CHRNA4: variants seen among roughly 807,000 people sequenced by gnomAD.
The protein encoded by CHRNA4 is cholinergic receptor nicotinic alpha 4 subunit, also known as neuronal acetylcholine receptor subunit alpha-4.
CHRNA4 carries 28 observed loss-of-function variants against 48.9 expected under a neutral mutation model. That is an observed-to-expected ratio of 0.57 (90% CI 0.42 to 0.79). The LOEUF is 0.79. Ranked by LOEUF, CHRNA4 falls within the 30% of genes least tolerant of loss-of-function variation. The pLI is 0.00. For missense variants in CHRNA4, 859 were observed against 898.4 expected (o/e 0.96, Z 0.56); for synonymous variants, 425 against 402.3 (o/e 1.06, Z -0.68).
intron 2 of CHRNA4, among the ~76,000 whole-genome samples, chr20:63,358,003 G>C (rs1005089375): frequency 6.6e-6 from 1 of 152,214 alleles, no homozygotes; most frequent in Admixed American, 6.5e-5. Flanking sequence ...GGCAGACCCA[G>C]AGCCTTGGGC....
chr20:63,360,335 A>G (rs1403605417), intron 1 of CHRNA4, among the ~76,000 whole-genome samples: 2 of 152,072 alleles, frequency 1.3e-5, no homozygotes, highest in Non-Finnish European at 2.9e-5. Flanking sequence ...GCAGACCCCA[A>G]CGAGGTGCCA....
intron 1 of CHRNA4, 148 bp downstream of exon 1, chr20:63,360,942 G>C: frequency 1.6e-6 from 1 of 613,728 alleles, no homozygotes; most frequent in Non-Finnish European, 2.5e-6. Flanking sequence ...CAGCCTGTGC[G>C]GCTGGGGATG....
At chr20:63,347,387 C>T (rs371421886) in intron 5 of CHRNA4, among the ~76,000 whole-genome samples, 3 of 152,222 alleles carry the variant, frequency 2.0e-5, no homozygotes, top group African/African-American at 2.4e-5. Flanking sequence ...GTCTCTCACT[C>T]GAGCCTCCCC....
chr20:63,358,270 C>T (rs762172634), intron 2 of CHRNA4, among the ~76,000 whole-genome samples: 1 of 152,178 alleles, frequency 6.6e-6, no homozygotes, highest in Non-Finnish European at 1.5e-5. Context: ...AGCCTGTCCG[C>T]GGGAATGTGG....
Position 63,359,907 on chromosome 20 carries a change from G to GTGTGTGTGTGCCGGGCGTGCGC in CHRNA4, c.77-209_77-208insGCGCACGCCCGGCACACACACA, listed in dbSNP as rs1555840823. 931 of 431,380 alleles carry GTGTGTGTGTGCCGGGCGTGCGC rather than the reference G, an allele frequency of 2.2e-3. 13 individuals carry two copies. The highest frequency in any genetic ancestry group is 0.013 in the African/African-American group (444 of 35,438). The allele number at this position is 431,380 out of a possible 1,614,324, so 26.7% of individuals were successfully genotyped here. On this transcript the variant is annotated intron_variant, in intron 1 of 5. Coordinates refer to ENST00000370263, the MANE Select transcript of CHRNA4 (RefSeq NM_000744.7). ...TGTGCCGGGCGTGTGCTGTGTGTGT[G>GTGTGTGTGTGCCGGGCGTGCGC]TGTGTGTGTGTGTGTGTGTGTGCCG...
At chr20:63,359,903 G>GTGTGTGTGTGTGCGCCGGGCGTGCGC (rs1568820129) in intron 1 of CHRNA4, 10 of 444,366 alleles carry the variant, frequency 2.3e-5, no homozygotes, top group Non-Finnish European at 4.0e-5. Flanking sequence ...TGTGCTGTGT[G>GTGTGTGTGTGTGCGCCGGGCGTGCGC]TGTGTGTGTG....
rs1324352557 is a variant in CHRNA4 at position 63,345,700 on chromosome 20, C to A, written c.*1038G>T. The A allele has an allele frequency of 2.2e-6, 1 of 453,818 alleles. No homozygotes were observed. Among genetic ancestry groups the A allele is most frequent in the Admixed American group, 2.3e-5 (1 of 42,572 alleles). The allele number at this position is 453,818 out of a possible 1,614,324, so 28.1% of individuals were successfully genotyped here. A position where few individuals can be genotyped will look rare whatever the true frequency, so the allele number is the denominator to read the frequency against. ...GTCCCAGCATCTCCCAGGTGGAGGT[C>A]CTCAAGGATGCCCCCACCAGCTCCC... On this transcript the variant is annotated 3_prime_UTR_variant, in exon 6 of 6. Coordinates refer to ENST00000370263, the MANE Select transcript of CHRNA4 (RefSeq NM_000744.7). This position sits in a 1 kb window ranked among gnomAD's most constrained non-coding sequence, Gnocchi z 5.4.
At chr20:63,349,527 C>A in intron 5 of CHRNA4, 126 bp downstream of exon 5, 1 of 1,244,310 alleles carries the variant, frequency 8.0e-7, no homozygotes, top group Non-Finnish European at 1.2e-6. Flanking sequence ...GGGGCCACGC[C>A]CTGCACCCCA....
chr20:63,360,666 A>T (rs2068803964), intron 1 of CHRNA4, among the ~76,000 whole-genome samples: 1 of 152,186 alleles, frequency 6.6e-6, no homozygotes, highest in African/African-American at 2.4e-5. Flanking sequence ...TCCTGCAGAA[A>T]AGGTGGGTGG....
intron 4 of CHRNA4, chr20:63,354,650 G>A: frequency 2.0e-6 from 2 of 979,454 alleles, no homozygotes; most frequent in Non-Finnish European, 2.4e-6. Context: ...TGGGGGCTGT[G>A]GTCCTCAGAG....
At chr20:63,356,113 C>A in intron 3 of CHRNA4, 29 bp from the exon 4 acceptor site, 1 of 602,652 alleles carries the variant, frequency 1.7e-6, no homozygotes, top group Non-Finnish European at 2.2e-6. Context: ...GGGGAGGCTG[C>A]AGGGTGAGGG....
Position 63,350,193 on chromosome 20 carries a change from CG to C in CHRNA4, c.1217del (p.Pro406ArgfsTer159). On this transcript the variant is annotated frameshift_variant, in exon 5 of 6. Coordinates refer to ENST00000370263, the MANE Select transcript of CHRNA4 (RefSeq NM_000744.7). LOFTEE classifies it high-confidence loss of function. ...GCACATCCAGGGGGACACAGAAGGA[CG>C]GTGAGGGCGGGTGCAGGCTCTGGGT... is the stretch of plus-strand genomic sequence containing the variant. The part of the protein sequence containing the change: ...SGTQSLHPPS[P>X]SFCVPLDVPA... The C allele has an allele frequency of 6.3e-7, 1 of 1,597,788 alleles. No homozygotes were observed. Among genetic ancestry groups the C allele is most frequent in the Non-Finnish European group, 8.5e-7 (1 of 1,171,288 alleles).
intron 2 of CHRNA4, among the ~76,000 whole-genome samples, chr20:63,357,162 CAGGACCACA>C (rs1568817781): frequency 7.9e-5 from 1 of 12,648 alleles, no homozygotes; most frequent in East Asian, 0.016. Context: ...CACGTCTCCA[CAGGACCACA>C]TTCCCACAGG....
At chr20:63,355,684 G>T in intron 4 of CHRNA4, 1 of 985,516 alleles carries the variant, frequency 1.0e-6, no homozygotes, top group Non-Finnish European at 1.5e-6. Flanking sequence ...GTGTCCAGGT[G>T]CCATAGCCAC....
chr20:63,353,210 G>A (rs2068642033), intron 4 of CHRNA4, among the ~76,000 whole-genome samples: 1 of 152,220 alleles, frequency 6.6e-6, no homozygotes, highest in Admixed American at 6.5e-5. Context: ...CCTGCAGCCT[G>A]GCCGGCCACC....
chr20:63,360,908 C>T (rs999744343), intron 1 of CHRNA4, 182 bp downstream of exon 1: 1 of 470,626 alleles, frequency 2.1e-6, no homozygotes, highest in Non-Finnish European at 3.6e-6. Context: ...TCCCTCCTCG[C>T]CTGGCTCAGC....
Position 63,361,295 on chromosome 20 carries a change from TCTC to T in CHRNA4, c.-133_-131del, listed in dbSNP as rs1240465701. ...TTCGGCCGCCGGGCCCGGTTCGTCT[TCTC>T]CTGTGGGGCGCGGTGCGGCGGCGGC... is the stretch of plus-strand genomic sequence containing the variant. On this transcript the variant is annotated 5_prime_UTR_variant, in exon 1 of 6. Transcript: ENST00000370263. 3.1e-6 allele frequency: 4 copies of T among 1,305,436 alleles called. No homozygotes were observed. In the East Asian group the frequency reaches 1.1e-4, roughly 35 times the overall value. The allele number at this position is 1,305,436 out of a possible 1,614,324, so 80.9% of individuals were successfully genotyped here.
chr20:63,360,621 TC>T (rs759080293), intron 1 of CHRNA4, among the ~76,000 whole-genome samples: 17 of 152,040 alleles, frequency 1.1e-4, no homozygotes, highest in Non-Finnish European at 2.2e-4. Context: ...GAGCCTTGAC[TC>T]CCAGCCCAGA....
Position 63,361,327 on chromosome 20 carries a change from G to T in CHRNA4, c.-162C>A, listed in dbSNP as rs1170763435. The T allele has an allele frequency of 9.3e-6, 11 of 1,178,750 alleles. No homozygotes were observed. The African/African-American group carries it at 1.8e-4, about 19-fold the overall frequency. 73.0% of individuals were successfully genotyped at this position (1,178,750 alleles called of 1,614,324 possible). On this transcript the variant is annotated 5_prime_UTR_variant, in exon 1 of 6. Transcript: ENST00000370263. ...TGGGGCGCGGTGCGGCGGCGGCGCG[G>T]CAGGGAGCGCCGGGCTGTGGGCTCC...
Sources: gnomAD v4.1 joint callset for allele counts (sites outside exome capture counted in the v4.1 genomes callset) on GRCh38, gnomAD v4.1.1 for gene constraint, Gnocchi (gnomAD v3.1) non-coding constraint, MANE v1.5 for transcripts, NCBI Gene and HGNC (gene_info 2026-07-23, HGNC 2026-07-21) for gene names.